The following TESK2 variants were observed in gnomAD, a reference collection of about 807,000 sequenced individuals.
The protein encoded by TESK2 is testis associated actin remodelling kinase 2, also known as dual specificity testis-specific protein kinase 2.
In TESK2, 39 loss-of-function variants were observed where a neutral mutation model predicts 57.1. That is an observed-to-expected ratio of 0.68 (90% CI 0.53 to 0.89). TESK2 has a LOEUF of 0.89. Ranked by LOEUF, TESK2 falls within the 40% of genes least tolerant of loss-of-function variation. The pLI, the probability that TESK2 is intolerant of heterozygous loss-of-function variation, is 0.00. For missense variants in TESK2, 646 were observed against 732.1 expected (o/e 0.88, Z 1.36); for synonymous variants, 249 against 267.9 (o/e 0.93, Z 0.69).
At chr1:45,368,501 G>T (rs1288076636) in intron 4 of TESK2, among the ~76,000 whole-genome samples, 1 of 151,678 alleles carries the variant, frequency 6.6e-6, no homozygotes, top group East Asian at 1.9e-4. Flanking sequence ...AGCCTCCCGA[G>T]TACCTGGGAC....
chr1:45,457,622 C>A lies in TESK2; in HGVS notation c.164G>T (p.Arg55Leu), dbSNP rs1044894727. 6.2e-7 allele frequency: 1 copy of A among 1,613,946 alleles called. No individual in the cohort carries two copies. Among genetic ancestry groups the A allele is most frequent in the Non-Finnish European group, 8.5e-7 (1 of 1,180,020 alleles). Residue 55 changes from arginine (R) to leucine (L), a missense_variant, in exon 2 of 11, where the codon CGT becomes CTT. Arg to Leu is a moderately radical substitution (Grantham distance 102, BLOSUM62 -2). Transcript: ENST00000372086. ...ALISAFSRLT[R>L]LDDFTCEKIG... Reference sequence around the variant, plus strand: ...TTTTTCACAGGTGAAATCATCCAAACGCGTCAGTCTGGAAAAGGCACTTAT... The same window carrying A: ...TTTTTCACAGGTGAAATCATCCAAAAGCGTCAGTCTGGAAAAGGCACTTAT...
In TESK2 at chr1:45,477,080, T is replaced by G. The variant is rs897739472; in HGVS notation, c.-87+13772A>C. Among the ~76,000 whole-genome samples, 61 of 60,220 alleles carry G rather than the reference T, an allele frequency of 1.0e-3. 3 individuals carry two copies. The highest frequency in any genetic ancestry group is 1.0e-3 in the South Asian group (2 of 1,936). The allele number at this position is 60,220 out of a possible 152,430, so 39.5% of individuals were successfully genotyped here. On this transcript the variant is annotated intron_variant, in intron 1 of 10. Coordinates refer to ENST00000372086, the MANE Select transcript of TESK2 (RefSeq NM_007170.3). ...TACCAAAAAAAAAAAAATACAAAAA[T>G]TAGCCAGGCGCGGTGGCACATGCCT...
intron 4 of TESK2, among the ~76,000 whole-genome samples, chr1:45,368,435 C>A (rs993170961): frequency 2.0e-5 from 3 of 151,890 alleles, no homozygotes; most frequent in Admixed American, 6.6e-5. Context: ...GCTGCAGTGG[C>A]GCAATCTCAG....
At position 45,417,187 on chromosome 1, in the gene TESK2, A is replaced by T. The variant is rs1215197365; in HGVS notation, c.344+4538T>A. ...TGTCTGGCTTATTTCATTTAGTGTA[A>T]CATCCTCCAGGTTCATCCAAGTTGT... On this transcript the variant is annotated intron_variant, in intron 3 of 10. Transcript: ENST00000372086. Among the ~76,000 whole-genome samples, 3 of 152,194 alleles carry T rather than the reference A, an allele frequency of 2.0e-5. No individual in the cohort carries two copies. The East Asian group carries it at 5.8e-4, about 29-fold the overall frequency.
rs535959585 is a variant in TESK2, at chr1:45,459,827, G to C, written c.-86-1956C>G. 9.2e-5 allele frequency among the ~76,000 whole-genome samples: 14 copies of C among 152,070 alleles called. No homozygotes were observed. In the East Asian group the frequency reaches 1.9e-3, roughly 21 times the overall value. On this transcript the variant is annotated intron_variant, in intron 1 of 10. Coordinates refer to ENST00000372086, the MANE Select transcript of TESK2 (RefSeq NM_007170.3). ...CACTGCACTCCAGCCTGGGCAACAG[G>C]GCAAGACCTTGTCTCAAAAAAATTT...
At chr1:45,434,507 G>A (rs1479211797) in intron 2 of TESK2, among the ~76,000 whole-genome samples, 1 of 150,246 alleles carries the variant, frequency 6.7e-6, no homozygotes, top group Non-Finnish European at 1.5e-5. Context: ...TTTGATGGTA[G>A]CCATTCTAAA....
At chr1:45,472,913 G>A (rs1479135654) in intron 1 of TESK2, among the ~76,000 whole-genome samples, 9 of 151,222 alleles carry the variant, frequency 6.0e-5, no homozygotes, top group Admixed American at 3.3e-4. Context: ...CAAGGCAGGC[G>A]GATCACAAGG....
At chr1:45,400,942 A>C (rs1649569940) in intron 3 of TESK2, among the ~76,000 whole-genome samples, 1 of 151,888 alleles carries the variant, frequency 6.6e-6, no homozygotes, top group Non-Finnish European at 1.5e-5. Context: ...GAATTGCTTG[A>C]AACCAGGAGG....
intron 3 of TESK2, among the ~76,000 whole-genome samples, chr1:45,391,069 C>A (rs1008763389): frequency 6.6e-6 from 1 of 151,942 alleles, no homozygotes; most frequent in African/African-American, 2.4e-5. Context: ...AGGCGCATGC[C>A]ACCACACCCA....
intron 4 of TESK2, among the ~76,000 whole-genome samples, chr1:45,373,123 A>G (rs532686940): frequency 1.1e-4 from 17 of 152,296 alleles, no homozygotes; most frequent in African/African-American, 4.1e-4. Context: ...CTATATATTT[A>G]AAAATGGCTA....
chr1:45,386,739 C>T (rs1234165788), intron 3 of TESK2, among the ~76,000 whole-genome samples: 1 of 151,954 alleles, frequency 6.6e-6, no homozygotes, highest in African/African-American at 2.4e-5. Flanking sequence ...CTGCAACCTC[C>T]GCCTCCCGGG....
chr1:45,484,043 G>A (rs987323443), intron 1 of TESK2, among the ~76,000 whole-genome samples: 66 of 149,774 alleles, frequency 4.4e-4, no homozygotes, highest in African/African-American at 1.6e-3. Flanking sequence ...CCGCACAGGG[G>A]TTGGCTTCCC....
chr1:45,367,403 CTT>C (rs751005757), intron 4 of TESK2, among the ~76,000 whole-genome samples: 31 of 141,586 alleles, frequency 2.2e-4, no homozygotes, highest in Admixed American at 9.9e-4. Flanking sequence ...CCTCGTTCTC[CTT>C]TTTTTTTTTT....
chr1:45,430,709 G>T (rs1328870985), intron 2 of TESK2, among the ~76,000 whole-genome samples: 4 of 152,156 alleles, frequency 2.6e-5, no homozygotes, highest in Non-Finnish European at 4.4e-5. Flanking sequence ...CAAGTCACTG[G>T]CAAGGGTTGC....
chr1:45,424,089 G>A lies in TESK2; in HGVS notation c.223-2243C>T, dbSNP rs187514971. 6.6e-5 allele frequency among the ~76,000 whole-genome samples: 10 copies of A among 152,294 alleles called. No individual in the cohort carries two copies. In the East Asian group the frequency reaches 1.9e-3, roughly 29 times the overall value. On this transcript the variant is annotated intron_variant, in intron 2 of 10. Coordinates refer to ENST00000372086, the MANE Select transcript of TESK2 (RefSeq NM_007170.3). ...AACAGGGACTTTACTATGCAAAAATGTCATCATCCTACGGACTTCAGGAGT... is the reference window on the plus strand; with the variant it reads ...AACAGGGACTTTACTATGCAAAAATATCATCATCCTACGGACTTCAGGAGT...
At chr1:45,376,919 T>C (rs1461377338) in intron 4 of TESK2, among the ~76,000 whole-genome samples, 1 of 152,154 alleles carries the variant, frequency 6.6e-6, no homozygotes, top group Non-Finnish European at 1.5e-5. Flanking sequence ...GATAGTAGTA[T>C]GTCAAAATGA....
At position 45,346,773 on chromosome 1, in the gene TESK2, C is replaced by G. The variant is rs56398001; in HGVS notation, c.799G>C (p.Gly267Arg). The change falls in exon 9 of 11, where the codon GGG (glycine) becomes CGG (arginine). Residue 267 changes from glycine to arginine, a missense_variant. Gly to Arg is a moderately radical substitution (Grantham distance 125). Coordinates refer to ENST00000372086, the MANE Select transcript of TESK2 (RefSeq NM_007170.3). ...TGCTGGAAAGCATCATAGTCCAGCC[C>G]GAAATTCTGTGGATGGGTATGGAAA... is the stretch of plus-strand genomic sequence containing the variant. Reference protein sequence around the residue: ...PDYLPRTENFGLDYDAFQHMV... With the variant: ...PDYLPRTENFRLDYDAFQHMV... 1.2e-6 allele frequency: 2 copies of G among 1,613,834 alleles called. No individual in the cohort carries two copies. Among genetic ancestry groups the G allele is most frequent in the Non-Finnish European group, 1.7e-6 (2 of 1,179,964 alleles).
rs554976046 is a variant in TESK2 at position 45,472,093 on chromosome 1, T to C, written c.-86-14222A>G. Among the ~76,000 whole-genome samples, 89 of 149,428 alleles carry C rather than the reference T, an allele frequency of 6.0e-4. 2 individuals carry two copies. Among genetic ancestry groups the C allele is most frequent in the African/African-American group, 2.2e-3 (88 of 40,448 alleles). ...GGTGAAACCCCGTCTCTACTAAAAA[T>C]ACAAAAAAATTAGCCGGGTATGGTG... On this transcript the variant is annotated intron_variant, in intron 1 of 10. Coordinates refer to ENST00000372086, the MANE Select transcript of TESK2 (RefSeq NM_007170.3).
At chr1:45,432,620 G>A (rs2149290709) in intron 2 of TESK2, among the ~76,000 whole-genome samples, 1 of 150,878 alleles carries the variant, frequency 6.6e-6, no homozygotes, top group East Asian at 2.0e-4. Context: ...GAACTGGGGA[G>A]GCGGAGCTTG....
Sources: gnomAD v4.1 joint callset for allele counts (sites outside exome capture counted in the v4.1 genomes callset) on GRCh38, gnomAD v4.1.1 for gene constraint, MANE v1.5 for transcripts, NCBI Gene and HGNC (gene_info 2026-07-23, HGNC 2026-07-21) for gene names.